The following HS3ST4 variants were observed in gnomAD, a reference collection of about 807,000 sequenced individuals.
HS3ST4 encodes heparan sulfate-glucosamine 3-sulfotransferase 4, also known as heparan sulfate glucosamine 3-O-sulfotransferase 4.
Under a neutral mutation model 29.2 loss-of-function variants are expected in HS3ST4, and 17 were observed. The observed-to-expected ratio is 0.58, with a 90% CI of 0.40 to 0.87. HS3ST4 has a LOEUF of 0.87. Ranked by LOEUF, HS3ST4 falls within the 40% of genes least tolerant of loss-of-function variation. The probability of loss-of-function intolerance (pLI) is 0.00; values close to 1 mark genes in which losing one functional copy is unlikely to be tolerated. For missense variants in HS3ST4, 627 were observed against 634.5 expected (o/e 0.99, Z 0.13); for synonymous variants, 314 against 285.7 (o/e 1.10, Z -1.00).
intron 1 of HS3ST4, among the ~76,000 whole-genome samples, chr16:26,095,690 C>G (rs1196937079): frequency 6.6e-6 from 1 of 152,156 alleles, no homozygotes; most frequent in Non-Finnish European, 1.5e-5. Context: ...GACACTCTAA[C>G]ATCACAATTA....
At chr16:25,943,028 T>G (rs1968588168) in intron 1 of HS3ST4, among the ~76,000 whole-genome samples, 1 of 152,206 alleles carries the variant, frequency 6.6e-6, no homozygotes, top group African/African-American at 2.4e-5. Flanking sequence ...TCCTCTTCAT[T>G]AAAGCAAAAT....
chr16:25,707,460 T>C (rs1472088086), intron 1 of HS3ST4, among the ~76,000 whole-genome samples: 2 of 152,182 alleles, frequency 1.3e-5, no homozygotes, highest in South Asian at 2.1e-4. Flanking sequence ...TTTTGTATTA[T>C]TGATGGTTTT....
chr16:26,037,030 C>T (rs993416843), intron 1 of HS3ST4, among the ~76,000 whole-genome samples: 3 of 152,186 alleles, frequency 2.0e-5, no homozygotes, highest in Non-Finnish European at 4.4e-5. Flanking sequence ...TTAATAAGAA[C>T]CCTCCCATTG....
intron 1 of HS3ST4, among the ~76,000 whole-genome samples, chr16:25,724,833 A>T (rs976282778): frequency 6.6e-6 from 1 of 152,126 alleles, no homozygotes. Flanking sequence ...GAGTTCGTGG[A>T]CATTTTAAAA....
At chr16:25,724,116 A>C (rs989045083) in intron 1 of HS3ST4, among the ~76,000 whole-genome samples, 17 of 70,750 alleles carry the variant, frequency 2.4e-4, no homozygotes, top group South Asian at 5.4e-4. Flanking sequence ...CCATCTCAAA[A>C]AAAAAAAAAA....
intron 1 of HS3ST4, among the ~76,000 whole-genome samples, chr16:26,041,632 GA>G (rs1272836512): frequency 6.6e-6 from 1 of 152,108 alleles, no homozygotes; most frequent in Non-Finnish European, 1.5e-5. Flanking sequence ...TGCAGGCCGT[GA>G]AGTCTCTGTG....
intron 1 of HS3ST4, among the ~76,000 whole-genome samples, chr16:25,812,703 CT>C (rs11382075): frequency 5.4e-4 from 79 of 146,504 alleles, no homozygotes; most frequent in South Asian, 2.0e-3. Flanking sequence ...AAAGTACTTC[CT>C]TTTTTTTTTT....
At chr16:26,104,718 C>T (rs568824188) in intron 1 of HS3ST4, among the ~76,000 whole-genome samples, 16 of 152,208 alleles carry the variant, frequency 1.1e-4, no homozygotes, top group Non-Finnish European at 1.6e-4. Flanking sequence ...AAAAGCACCT[C>T]AAAATTAAAA....
intron 1 of HS3ST4, among the ~76,000 whole-genome samples, chr16:25,777,083 C>T (rs569311196): frequency 4.6e-5 from 7 of 152,260 alleles, no homozygotes; most frequent in Non-Finnish European, 7.3e-5. Context: ...TATAGTGCTT[C>T]GTCACTGAAA....
chr16:26,021,582 C>T (rs913807256), intron 1 of HS3ST4, among the ~76,000 whole-genome samples: 3 of 152,182 alleles, frequency 2.0e-5, no homozygotes, highest in African/African-American at 4.8e-5. Context: ...TGCCCAGCAG[C>T]GTACGAGGCT....
rs750488551 is a variant in HS3ST4 at position 25,763,331 on chromosome 16, G to A, written c.734+70180G>A. Among the ~76,000 whole-genome samples the A allele has an allele frequency of 6.4e-4, 98 of 152,150 alleles. 1 individual carries two copies. Among genetic ancestry groups the A allele is most frequent in the Admixed American group, 1.4e-3 (22 of 15,272 alleles). ...AGGATGGAAAACAGCCCAGGCAGAA[G>A]GAAATGCCACCTGATGGCTGTCTCC... On this transcript the variant is annotated intron_variant, in intron 1 of 1. Transcript: ENST00000331351.
chr16:25,895,555 T>C (rs1415454863), intron 1 of HS3ST4, among the ~76,000 whole-genome samples: 1 of 152,024 alleles, frequency 6.6e-6, no homozygotes, highest in African/African-American at 2.4e-5. Context: ...CTCGGTTGTC[T>C]GGGCTGCTGT....
At chr16:26,045,288 G>A (rs1202893079) in intron 1 of HS3ST4, among the ~76,000 whole-genome samples, 1 of 152,140 alleles carries the variant, frequency 6.6e-6, no homozygotes, top group African/African-American at 2.4e-5. Context: ...TAAAAAGGCA[G>A]CATGATATCA....
At chr16:25,987,433 C>T (rs1333608128) in intron 1 of HS3ST4, among the ~76,000 whole-genome samples, 6 of 152,116 alleles carry the variant, frequency 3.9e-5, no homozygotes, top group Non-Finnish European at 7.3e-5. Context: ...TTTATCCTCA[C>T]AGCAACCCTA....
At chr16:25,717,077 G>C (rs1966459459) in intron 1 of HS3ST4, among the ~76,000 whole-genome samples, 1 of 152,032 alleles carries the variant, frequency 6.6e-6, no homozygotes, top group Non-Finnish European at 1.5e-5. Context: ...GAGGCAGGGA[G>C]GGAATTACAA....
rs758447345 is a variant in HS3ST4, at chr16:26,136,302, A to T, written c.*54A>T. 6.7e-7 allele frequency: 1 copy of T among 1,503,586 alleles called. No homozygotes were observed. The highest frequency in any genetic ancestry group is 8.9e-7 in the Non-Finnish European group (1 of 1,121,318). 93.1% of individuals were successfully genotyped at this position (1,503,586 alleles called of 1,614,324 possible). A position where few individuals can be genotyped will look rare whatever the true frequency, so the allele number is the denominator to read the frequency against. On this transcript the variant is annotated 3_prime_UTR_variant, in exon 2 of 2. Transcript: ENST00000331351. ...ATAAGCTAAGGAGGCTCCTTGCCTG[A>T]GTCCTTGAATACCCCAGCTTCTGCA...
At chr16:25,728,463 GATTAA>G (rs796074913) in intron 1 of HS3ST4, among the ~76,000 whole-genome samples, 16 of 152,286 alleles carry the variant, frequency 1.1e-4, no homozygotes, top group African/African-American at 3.9e-4. Flanking sequence ...CTGTTGATTG[GATTAA>G]ATAAAATAAA....
At chr16:25,892,768 A>C (rs1479006688) in intron 1 of HS3ST4, among the ~76,000 whole-genome samples, 1 of 152,170 alleles carries the variant, frequency 6.6e-6, no homozygotes, top group Non-Finnish European at 1.5e-5. Context: ...TTTTCCAGGG[A>C]ATAAATCTAT....
At chr16:25,982,513 AC>A (rs1216119625) in intron 1 of HS3ST4, among the ~76,000 whole-genome samples, 1 of 152,148 alleles carries the variant, frequency 6.6e-6, no homozygotes, top group Non-Finnish European at 1.5e-5. Context: ...AATAGAACAG[AC>A]CATGGTGCTT....
Sources: gnomAD v4.1 joint callset for allele counts (sites outside exome capture counted in the v4.1 genomes callset) on GRCh38, gnomAD v4.1.1 for gene constraint, MANE v1.5 for transcripts, NCBI Gene and HGNC (gene_info 2026-07-23, HGNC 2026-07-21) for gene names.